LRPPRC: variants seen among roughly 807,000 people sequenced by gnomAD.
LRPPRC encodes the protein leucine rich pentatricopeptide repeat containing, also known as leucine-rich PPR motif-containing protein, mitochondrial.
Under a neutral mutation model 180.3 loss-of-function variants are expected in LRPPRC, and 120 were observed. The ratio of observed to expected loss-of-function variants is 0.67; its 90% confidence interval spans 0.57 to 0.77. The LOEUF is 0.77. Ranked by LOEUF, LRPPRC falls within the 30% of genes least tolerant of loss-of-function variation. The probability of loss-of-function intolerance (pLI) is 0.00; values close to 1 mark genes in which losing one functional copy is unlikely to be tolerated. For missense variants in LRPPRC, 2,012 were observed against 1,657.2 expected (o/e 1.21, Z -3.72); for synonymous variants, 723 against 600.0 (o/e 1.21, Z -3.00).
At chr2:43,963,407 G>A in intron 12 of LRPPRC, 181 bp downstream of exon 12, 1 of 639,462 alleles carries the variant, frequency 1.6e-6, no homozygotes, top group South Asian at 1.9e-5. Context: ...TTGTGCCATT[G>A]CACTCCTGCC....
At chr2:43,951,573 C>A (rs1241400827) in intron 14 of LRPPRC, among the ~76,000 whole-genome samples, 1 of 152,016 alleles carries the variant, frequency 6.6e-6, no homozygotes, top group Non-Finnish European at 1.5e-5. Flanking sequence ...AAAGTAAGTT[C>A]TGAGATATAT....
At chr2:43,915,660 C>G (rs139143112) in intron 29 of LRPPRC, among the ~76,000 whole-genome samples, 86 of 152,230 alleles carry the variant, frequency 5.6e-4, no homozygotes, top group African/African-American at 1.9e-3. Flanking sequence ...CCCTGGGTGA[C>G]AGAGCAAGAC....
chr2:43,900,681 AT>A, intron 32 of LRPPRC, among the ~76,000 whole-genome samples: 1 of 152,352 alleles, frequency 6.6e-6, no homozygotes, highest in Middle Eastern at 3.4e-3. Flanking sequence ...TTTTAATATC[AT>A]GTCCCATTAA....
intron 12 of LRPPRC, 111 bp from the exon 13 acceptor site, chr2:43,960,745 G>T: frequency 1.4e-6 from 1 of 736,940 alleles, no homozygotes; most frequent in Admixed American, 1.9e-5. Context: ...TGATTTTCTA[G>T]AAAAATAGAT....
intron 27 of LRPPRC, among the ~76,000 whole-genome samples, chr2:43,921,968 T>G (rs1477341333): frequency 6.6e-6 from 1 of 152,228 alleles, no homozygotes; most frequent in Non-Finnish European, 1.5e-5. Flanking sequence ...AGAAACTAAT[T>G]TCTACTTTCT....
intron 36 of LRPPRC, among the ~76,000 whole-genome samples, chr2:43,893,161 G>A: frequency 6.6e-6 from 1 of 152,168 alleles, no homozygotes; most frequent in Non-Finnish European, 1.5e-5. Flanking sequence ...GTTTCCTATG[G>A]ATGACCAAAG....
intron 25 of LRPPRC, among the ~76,000 whole-genome samples, chr2:43,929,028 T>C (rs560728527): frequency 6.6e-6 from 1 of 152,226 alleles, no homozygotes; most frequent in African/African-American, 2.4e-5. Flanking sequence ...AACAAGAAAA[T>C]GTTAAGGAAA....
rs1489235548 is a variant in LRPPRC, at chr2:43,973,811, T to A, written c.1245A>T (p.Leu415Phe). ...FPLQFTLHCALLANKTDLAKA... is the reference protein window; with the variant it reads ...FPLQFTLHCAFLANKTDLAKA... ...ATGTAGTACCAGTTTTATTGGCGAG[T>A]AAAGCACAATGGAGGGTGAACTGCA... Residue 415 changes from leucine to phenylalanine, a missense_variant, in exon 10 of 38, where the codon TTA (leucine) becomes TTT (phenylalanine). Transcript: ENST00000260665. The A allele has an allele frequency of 1.9e-6, 3 of 1,613,554 alleles. No individual in the cohort carries two copies. The highest frequency in any genetic ancestry group is 2.5e-6 in the Non-Finnish European group (3 of 1,179,460).
intron 27 of LRPPRC, among the ~76,000 whole-genome samples, chr2:43,923,598 C>A (rs1409852714): frequency 6.6e-6 from 1 of 152,170 alleles, no homozygotes. Flanking sequence ...TTCTTACCCG[C>A]TGCAGTGTTA....
intron 25 of LRPPRC, among the ~76,000 whole-genome samples, chr2:43,933,150 G>A (rs891980581): frequency 3.3e-5 from 5 of 152,196 alleles, no homozygotes; most frequent in African/African-American, 1.2e-4. Context: ...CCCACTGTCT[G>A]CTGACAAGTG....
intron 11 of LRPPRC, among the ~76,000 whole-genome samples, chr2:43,967,027 G>C (rs1559028080): frequency 6.6e-6 from 1 of 152,102 alleles, no homozygotes; most frequent in Non-Finnish European, 1.5e-5. Context: ...CTCCAGCCTG[G>C]GTGACAGAGC....
chr2:43,934,999 G>A (rs1302692239), intron 23 of LRPPRC, 121 bp from the exon 24 acceptor site: 7 of 715,138 alleles, frequency 9.8e-6, no homozygotes, highest in Non-Finnish European at 1.6e-5. Flanking sequence ...TTTACTTAAG[G>A]TAGAAAACCA....
intron 1 of LRPPRC, among the ~76,000 whole-genome samples, chr2:43,990,632 A>G (rs77804586): frequency 9.5e-4 from 144 of 152,210 alleles, no homozygotes; most frequent in African/African-American, 3.3e-3. Flanking sequence ...ATCCACTACC[A>G]TGTGTCCTCT....
At chr2:43,959,208 C>A in intron 13 of LRPPRC, 1 of 716,328 alleles carries the variant, frequency 1.4e-6, no homozygotes, top group South Asian at 1.5e-5. Flanking sequence ...TTCTTCTTGT[C>A]AGATTGGAAA....
chr2:43,965,774 T>A (rs1007272337), intron 11 of LRPPRC, among the ~76,000 whole-genome samples: 1 of 152,146 alleles, frequency 6.6e-6, no homozygotes. Context: ...TGCTCAACAT[T>A]ACTAATCATC....
chr2:43,962,689 G>A (rs1287278873), intron 12 of LRPPRC, among the ~76,000 whole-genome samples: 1 of 152,084 alleles, frequency 6.6e-6, no homozygotes, highest in African/African-American at 2.4e-5. Context: ...ACCAGAAGTA[G>A]AAAACTTCTG....
At chr2:43,970,870 C>A (rs1382569469) in intron 11 of LRPPRC, among the ~76,000 whole-genome samples, 1 of 152,092 alleles carries the variant, frequency 6.6e-6, no homozygotes, top group Non-Finnish European at 1.5e-5. Flanking sequence ...GAGGCTGTGG[C>A]GGGTGATCAC....
chr2:43,974,598 AT>A lies in LRPPRC; in HGVS notation c.1009+15del, dbSNP rs749824552. ...ATTTTTATAAAAATCATGTAAATAG[AT>A]TTTTTTAAAACTACCTGGAATATAT... is the stretch of plus-strand genomic sequence containing the variant. On this transcript the variant is annotated intron_variant, in intron 8 of 37. Coordinates refer to ENST00000260665, the MANE Select transcript of LRPPRC (RefSeq NM_133259.4). 7 of 1,505,618 alleles carry A rather than the reference AT, an allele frequency of 4.6e-6. No homozygotes were observed. The highest frequency in any genetic ancestry group is 4.1e-5 in the African/African-American group (3 of 72,514). 93.3% of individuals were successfully genotyped at this position (1,505,618 alleles called of 1,614,324 possible). A position where few individuals can be genotyped will look rare whatever the true frequency, so the allele number is the denominator to read the frequency against.
chr2:43,973,414 G>T (rs777945536), intron 11 of LRPPRC, among the ~76,000 whole-genome samples, 193 bp downstream of exon 11: 14 of 152,080 alleles, frequency 9.2e-5, no homozygotes, highest in Non-Finnish European at 1.9e-4. Context: ...ATGAAATTCA[G>T]ATGAAAGAAA....
Sources: allele counts gnomAD v4.1 joint callset (sites outside exome capture counted in the v4.1 genomes callset), GRCh38; gene constraint gnomAD v4.1.1; transcripts MANE v1.5; gene names NCBI Gene and HGNC (gene_info 2026-07-23, HGNC 2026-07-21).